Variants in RBFOX1 observed in about 807,000 individuals in gnomAD.
RBFOX1 encodes RNA binding protein fox-1 homolog 1.
A neutral mutation model predicts 57.7 loss-of-function variants in RBFOX1; 8 were observed. The observed-to-expected ratio is 0.14, with a 90% CI of 0.08 to 0.25. The LOEUF is 0.25. Among genes scored for constraint, RBFOX1 ranks in the 10% least tolerant of loss-of-function variants. RBFOX1 has a pLI of 1.00. For synonymous variants in RBFOX1, 326 were observed against 222.4 expected, an observed-to-expected ratio of 1.47 and a Z score of -4.15; for missense variants, 611 against 548.5, an observed-to-expected ratio of 1.11 and a Z score of -1.14.
chr16:7,008,000 A>G (rs1051378730), intron 3 of RBFOX1, among the ~76,000 whole-genome samples: 2 of 152,186 alleles, frequency 1.3e-5, no homozygotes, highest in East Asian at 3.9e-4. Context: ...TAAAACCAGT[A>G]TAATGTTGGG....
chr16:7,358,804 A>G (rs2097265616), intron 4 of RBFOX1, among the ~76,000 whole-genome samples: 1 of 152,230 alleles, frequency 6.6e-6, no homozygotes, highest in South Asian at 2.1e-4. Flanking sequence ...AGAAAGTAGC[A>G]GAGAGAAGGA....
At chr16:5,662,683 G>T (rs141435528) in intron 3 of RBFOX1, among the ~76,000 whole-genome samples, 1 of 152,294 alleles carries the variant, frequency 6.6e-6, no homozygotes, top group Non-Finnish European at 1.5e-5. Context: ...GAATTGTGTG[G>T]AATTTTTTGA....
intron 2 of RBFOX1, among the ~76,000 whole-genome samples, chr16:6,527,937 C>A (rs142337961): frequency 6.6e-6 from 1 of 152,076 alleles, no homozygotes; most frequent in Non-Finnish European, 1.5e-5. Context: ...TTTGTTGTCC[C>A]TTTTCCCATG....
intron 2 of RBFOX1, among the ~76,000 whole-genome samples, chr16:5,483,024 G>A (rs563227063): frequency 5.9e-5 from 9 of 152,224 alleles, no homozygotes; most frequent in East Asian, 1.9e-4. Flanking sequence ...GTCATCTATC[G>A]CAGTCAATAA....
chr16:5,875,579 G>A (rs1327869654), intron 4 of RBFOX1, among the ~76,000 whole-genome samples: 4 of 152,260 alleles, frequency 2.6e-5, no homozygotes, highest in South Asian at 4.1e-4. Context: ...CACACTAGTC[G>A]TTGTAGTGGT....
At position 7,664,940 on chromosome 16, in the gene RBFOX1, A is replaced by T; in HGVS notation, c.902A>T (p.Gln301Leu). 1 of 1,613,972 alleles carries T rather than the reference A, an allele frequency of 6.2e-7. No individual in the cohort carries two copies. Among genetic ancestry groups the T allele is most frequent in the Non-Finnish European group, 8.5e-7 (1 of 1,179,862 alleles). ...GTGCACCCTTGCAGTGTTGTTTACC[A>T]GGATGGATTTTATGGTGCAGACATT... ...PIPAYGGVVY[Q>L]DGFYGADIYG... is the part of the protein sequence containing the mutation. The change falls in exon 13 of 16, where the codon CAG becomes CTG. Residue 301 changes from glutamine (Q) to leucine (L), a missense_variant. Gln to Leu is a moderately radical substitution (Grantham distance 113, BLOSUM62 -2). Coordinates refer to ENST00000550418, the MANE Select transcript of RBFOX1 (RefSeq NM_018723.4).
intron 2 of RBFOX1, among the ~76,000 whole-genome samples, chr16:6,585,850 A>G (rs1221378874): frequency 6.6e-6 from 1 of 152,150 alleles, no homozygotes; most frequent in Non-Finnish European, 1.5e-5. Flanking sequence ...GGATAATTTT[A>G]AGGAAATTCT....
chr16:7,006,740 G>A (rs560583531), intron 3 of RBFOX1, among the ~76,000 whole-genome samples: 35 of 152,266 alleles, frequency 2.3e-4, no homozygotes, highest in South Asian at 2.3e-3. Flanking sequence ...GAGCCACCAT[G>A]CCTGGCAATT....
chr16:5,832,114 G>C (rs975610020), intron 3 of RBFOX1, among the ~76,000 whole-genome samples: 5 of 152,172 alleles, frequency 3.3e-5, no homozygotes, highest in Non-Finnish European at 5.9e-5. Context: ...GGAGAGAACT[G>C]GGAACTGAAA....
chr16:5,353,744 G>A (rs1029197957), intron 1 of RBFOX1, among the ~76,000 whole-genome samples: 37 of 92,728 alleles, frequency 4.0e-4, no homozygotes, highest in African/African-American at 1.1e-3. Flanking sequence ...AAAAAACCTC[G>A]CCATGCCCTG....
chr16:5,719,032 ATG>A (rs2051828763), intron 3 of RBFOX1, among the ~76,000 whole-genome samples: 1 of 152,098 alleles, frequency 6.6e-6, no homozygotes. Flanking sequence ...GACTGAGATC[ATG>A]TGTATAAGTG....
chr16:7,712,685 C>T lies in RBFOX1; in HGVS notation c.*1940C>T, dbSNP rs550021488. ...CATCACTAAGACATTCTCATTCCCCCACCTGGAAAACAGTGTTATGGCAAT... is the reference window on the plus strand; with the variant it reads ...CATCACTAAGACATTCTCATTCCCCTACCTGGAAAACAGTGTTATGGCAAT... On this transcript the variant is annotated 3_prime_UTR_variant, in exon 16 of 16. Transcript: ENST00000550418. 6.6e-5 allele frequency: 10 copies of T among 152,248 alleles called. No homozygotes were observed. The highest frequency in any genetic ancestry group is 6.5e-4 in the Admixed American group (10 of 15,276). The allele number at this position is 152,248 out of a possible 1,614,324, so 9.4% of individuals were successfully genotyped here. A position where few individuals can be genotyped will look rare whatever the true frequency, so the allele number is the denominator to read the frequency against.
At chr16:5,702,443 G>A (rs967518619) in intron 3 of RBFOX1, among the ~76,000 whole-genome samples, 1 of 152,162 alleles carries the variant, frequency 6.6e-6, no homozygotes, top group Non-Finnish European at 1.5e-5. Context: ...GATTTGAGTG[G>A]GGGCACAAAT....
intron 2 of RBFOX1, among the ~76,000 whole-genome samples, chr16:5,490,902 G>T (rs1019358180): frequency 1.3e-5 from 2 of 152,084 alleles, no homozygotes; most frequent in Non-Finnish European, 2.9e-5. Flanking sequence ...GCGTCATTGG[G>T]TGATTTCATT....
At chr16:5,717,576 C>T (rs1484002665) in intron 3 of RBFOX1, among the ~76,000 whole-genome samples, 1 of 152,220 alleles carries the variant, frequency 6.6e-6, no homozygotes, top group Non-Finnish European at 1.5e-5. Flanking sequence ...AGCTTAGCTC[C>T]CACTTATAAG....
intron 2 of RBFOX1, among the ~76,000 whole-genome samples, chr16:6,434,813 C>T (rs1280452695): frequency 5.9e-5 from 9 of 151,758 alleles, no homozygotes; most frequent in Admixed American, 5.9e-4. Flanking sequence ...CCAATGTATT[C>T]TTCTCTTCCA....
At chr16:6,641,327 C>G (rs948728596) in intron 2 of RBFOX1, among the ~76,000 whole-genome samples, 2 of 152,128 alleles carry the variant, frequency 1.3e-5, no homozygotes, top group Admixed American at 6.5e-5. Context: ...AGGCGTTCAC[C>G]TTCACTCCCT....
chr16:7,586,439 T>G (rs1398624884), intron 6 of RBFOX1, among the ~76,000 whole-genome samples: 4 of 152,162 alleles, frequency 2.6e-5, no homozygotes, highest in Non-Finnish European at 4.4e-5. Flanking sequence ...TTTCACAAAT[T>G]TAAAAAATAT....
chr16:5,996,632 C>T (rs1229778295), intron 4 of RBFOX1, among the ~76,000 whole-genome samples: 1 of 152,026 alleles, frequency 6.6e-6, no homozygotes, highest in Non-Finnish European at 1.5e-5. Flanking sequence ...GGGCTAATTG[C>T]AGCATAGGCA....
Sources: gnomAD v4.1 joint callset for allele counts (sites outside exome capture counted in the v4.1 genomes callset) on GRCh38, gnomAD v4.1.1 for gene constraint, MANE v1.5 for transcripts, NCBI Gene and HGNC (gene_info 2026-07-23, HGNC 2026-07-21) for gene names.